Variants in CREBBP observed in about 807,000 individuals in gnomAD.
The protein encoded by CREBBP is CREB binding lysine acetyltransferase.
Under a neutral mutation model 265.0 loss-of-function variants are expected in CREBBP, and 19 were observed. That is an observed-to-expected ratio of 0.07 (90% CI 0.05 to 0.11). The LOEUF is 0.11. Among genes scored for constraint, CREBBP ranks in the 10% least tolerant of loss-of-function variants. The pLI is 1.00. For missense variants in CREBBP, 2,525 were observed against 3,219.0 expected (o/e 0.78, Z 5.22); for synonymous variants, 1,457 against 1,223.7 (o/e 1.19, Z -3.98).
intron 26 of CREBBP, chr16:3,737,016 C>G (rs1021686245): frequency 1.5e-6 from 1 of 656,078 alleles, no homozygotes; most frequent in African/African-American, 1.8e-5. Flanking sequence ...ATTAGCCCTG[C>G]AACACTTCTC....
rs1022389314 is a variant in CREBBP, at chr16:3,730,009, T to C, written c.5173-135A>G. On this transcript the variant is annotated intron_variant, in intron 30 of 30. Coordinates refer to ENST00000262367, the MANE Select transcript of CREBBP (RefSeq NM_004380.3). ...GGCAGGATAGGAGACCCAGACAGGA[T>C]GCGAGCACGGACAGGTGGGAGACCC... The C allele has an allele frequency of 2.8e-6, 4 of 1,442,206 alleles. No homozygotes were observed. The African/African-American group carries it at 5.6e-5, about 20-fold the overall frequency. The allele number at this position is 1,442,206 out of a possible 1,614,324, so 89.3% of individuals were successfully genotyped here.
At chr16:3,874,338 C>T (rs1407446911) in intron 1 of CREBBP, among the ~76,000 whole-genome samples, 1 of 152,192 alleles carries the variant, frequency 6.6e-6, no homozygotes, top group Non-Finnish European at 1.5e-5. Flanking sequence ...ACTTGCCCTG[C>T]TGCTGTTTTC....
In CREBBP at chr16:3,769,206, G is replaced by T. The variant is rs1283546321; in HGVS notation, c.3028C>A (p.Pro1010Thr). Reference protein sequence around the residue: ...ETQAEDTEPDPGESKGEPRSE... With the variant: ...ETQAEDTEPDTGESKGEPRSE... Reference sequence around the variant, plus strand: ...CTGGGCTCCCCTTTGGATTCACCAGGATCGGGCTCAGTGTCCTCTGCTTGG... The same window carrying T: ...CTGGGCTCCCCTTTGGATTCACCAGTATCGGGCTCAGTGTCCTCTGCTTGG... Residue 1010 changes from proline (P) to threonine (T), a missense_variant, in exon 15 of 31, where the codon CCT (proline) becomes ACT (threonine). By Grantham distance (38) the Pro-to-Thr change is conservative (BLOSUM62 -1). Coordinates refer to ENST00000262367, the MANE Select transcript of CREBBP (RefSeq NM_004380.3). The T allele has an allele frequency of 6.2e-7, 1 of 1,614,118 alleles. No individual in the cohort carries two copies.
At chr16:3,756,448 T>C (rs1325296905) in intron 19 of CREBBP, among the ~76,000 whole-genome samples, 1 of 152,272 alleles carries the variant, frequency 6.6e-6, no homozygotes, top group Non-Finnish European at 1.5e-5. Flanking sequence ...CAAAAAATAC[T>C]ATTCTCACTC....
intron 2 of CREBBP, among the ~76,000 whole-genome samples, chr16:3,830,226 G>C (rs1225928152): frequency 6.6e-6 from 1 of 151,950 alleles, no homozygotes; most frequent in African/African-American, 2.4e-5. Context: ...GTGAAACCCT[G>C]TCTCTACTAA....
At chr16:3,845,258 C>G (rs2054642610) in intron 2 of CREBBP, among the ~76,000 whole-genome samples, 1 of 152,048 alleles carries the variant, frequency 6.6e-6, no homozygotes, top group Non-Finnish European at 1.5e-5. Context: ...CCAGATAAAT[C>G]TGATAAAGTG....
At chr16:3,822,070 A>T (rs2054151498) in intron 2 of CREBBP, among the ~76,000 whole-genome samples, 1 of 152,140 alleles carries the variant, frequency 6.6e-6, no homozygotes, top group Non-Finnish European at 1.5e-5. Context: ...CACACAAAAG[A>T]GTGAATCTTT....
rs1417577046 is a variant in CREBBP at position 3,729,316 on chromosome 16, G to A, written c.5731C>T (p.Pro1911Ser). The A allele has an allele frequency of 6.4e-6, 10 of 1,561,132 alleles. No homozygotes were observed. Among genetic ancestry groups the A allele is most frequent in the Non-Finnish European group, 8.6e-6 (10 of 1,158,764 alleles). ...QTPQPPAQPQ[P>S]SPVSMSPAGF... is the part of the protein sequence containing the mutation. ...GCTGGTGACATGCTCACGGGTGAGG[G>A]TTGGGGCTGGGCAGGGGGCTGCGGC... Residue 1911 changes from proline to serine, a missense_variant, in exon 31 of 31, where the codon CCC (proline) becomes TCC (serine). Around this residue, in one of 19 missense-constraint regions of CREBBP, gnomAD observed 275 missense variants for 276.5 expected, o/e 0.99. Coordinates refer to ENST00000262367, the MANE Select transcript of CREBBP (RefSeq NM_004380.3).
intron 2 of CREBBP, among the ~76,000 whole-genome samples, chr16:3,831,753 T>G (rs768498044): frequency 2.6e-5 from 4 of 152,014 alleles, no homozygotes; most frequent in Non-Finnish European, 4.4e-5. Flanking sequence ...TCCCAGCACT[T>G]TGGGAGGCTG....
At chr16:3,844,143 G>C (rs537178434) in intron 2 of CREBBP, among the ~76,000 whole-genome samples, 31 of 92,918 alleles carry the variant, frequency 3.3e-4, no homozygotes, top group Admixed American at 1.9e-3. Flanking sequence ...GCGAGACTCC[G>C]TCTCAAAAAA....
chr16:3,779,373 T>C (rs1167544049), intron 8 of CREBBP, among the ~76,000 whole-genome samples: 1 of 152,032 alleles, frequency 6.6e-6, no homozygotes, highest in Non-Finnish European at 1.5e-5. Context: ...TGGAGTTTTA[T>C]TATGTTGCCC....
At chr16:3,810,927 A>C (rs1375000223) in intron 2 of CREBBP, 148 bp from the exon 3 acceptor site, 13 of 792,164 alleles carry the variant, frequency 1.6e-5, no homozygotes, top group Non-Finnish European at 2.5e-5. Flanking sequence ...TCCAAGCAGA[A>C]GGCTCATGAA....
intron 3 of CREBBP, among the ~76,000 whole-genome samples, chr16:3,798,265 A>G (rs1158117479): frequency 6.6e-6 from 1 of 152,270 alleles, no homozygotes; most frequent in Non-Finnish European, 1.5e-5. Context: ...ACGACCTTGG[A>G]TTAGGCAGTT....
intron 3 of CREBBP, among the ~76,000 whole-genome samples, chr16:3,808,901 A>G (rs1172262448): frequency 6.6e-6 from 1 of 152,170 alleles, no homozygotes; most frequent in Non-Finnish European, 1.5e-5. Flanking sequence ...GAAGCACAGG[A>G]GAGAACGGGA....
chr16:3,729,418 C>A lies in CREBBP; in HGVS notation c.5629G>T (p.Val1877Leu). Reference protein sequence around the residue: ...RRMATMNTRNVPQQSLPSPTS... With the variant: ...RRMATMNTRNLPQQSLPSPTS... ...GGAGAAGGCAGACTCTGCTGAGGCA[C>A]GTTGCGGGTGTTCATGGTGGCCATC... The change falls in exon 31 of 31, where the codon GTG becomes TTG. Residue 1877 changes from valine (V) to leucine (L), a missense_variant. This residue lies in a region of CREBBP where 53 missense variants were observed against 146.3 expected (regional missense o/e 0.36). Coordinates refer to ENST00000262367, the MANE Select transcript of CREBBP (RefSeq NM_004380.3). The A allele has an allele frequency of 6.2e-7, 1 of 1,613,438 alleles. No homozygotes were observed. Among genetic ancestry groups the A allele is most frequent in the Non-Finnish European group, 8.5e-7 (1 of 1,179,974 alleles).
chr16:3,809,422 C>T (rs754593093), intron 3 of CREBBP, among the ~76,000 whole-genome samples: 1 of 152,026 alleles, frequency 6.6e-6, no homozygotes, highest in Non-Finnish European at 1.5e-5. Flanking sequence ...GTGATCCACC[C>T]GCCTCAGCCT....
At chr16:3,810,940 A>C (rs1375963888) in intron 2 of CREBBP, among the ~76,000 whole-genome samples, 161 bp from the exon 3 acceptor site, 3 of 151,990 alleles carry the variant, frequency 2.0e-5, no homozygotes, top group Non-Finnish European at 4.4e-5. Flanking sequence ...CTCATGAAGC[A>C]GCTCCTAGCA....
chr16:3,792,557 GTACTCGAGAGGC>G (rs577994923), intron 4 of CREBBP, among the ~76,000 whole-genome samples: 48 of 152,198 alleles, frequency 3.2e-4, no homozygotes, highest in Non-Finnish European at 5.0e-4. Flanking sequence ...TGGTGAAGAA[GTACTCGAGAGGC>G]TAACTGACCC....
chr16:3,736,582 A>G (rs2151328817), intron 27 of CREBBP, 68 bp downstream of exon 27: 1 of 1,601,024 alleles, frequency 6.2e-7, no homozygotes, highest in South Asian at 1.1e-5. Flanking sequence ...CGAATGCAAG[A>G]AAAAGGCACA....
Sources: allele counts gnomAD v4.1 joint callset (sites outside exome capture counted in the v4.1 genomes callset), GRCh38; gene constraint gnomAD v4.1.1; regional missense constraint gnomAD v4.1.1; transcripts MANE v1.5; gene names NCBI Gene and HGNC (gene_info 2026-07-23, HGNC 2026-07-21).